The following LRRC61 variants were observed in gnomAD, a reference collection of about 807,000 sequenced individuals.
LRRC61 encodes leucine rich repeat containing 61.
A neutral mutation model predicts 15.1 loss-of-function variants in LRRC61; 9 were observed. That is an observed-to-expected ratio of 0.60 (90% CI 0.36 to 1.04). LRRC61 has a LOEUF of 1.04. LRRC61 is among the 50% of genes least tolerant of loss of function. LRRC61 has a pLI of 0.01. For missense variants in LRRC61, 344 were observed against 335.6 expected (o/e 1.03, Z -0.20); for synonymous variants, 173 against 158.6 (o/e 1.09, Z -0.68).
the LRRC61 span, among the ~76,000 whole-genome samples, chr7:150,311,427 C>T: frequency 6.6e-6 from 1 of 152,232 alleles, no homozygotes; most frequent in Non-Finnish European, 1.5e-5. Context: ...CTATGCTCCA[C>T]TTACCCTCTA....
chr7:150,329,427 C>T (rs1026555590), intron 2 of LRRC61, among the ~76,000 whole-genome samples: 8 of 152,334 alleles, frequency 5.3e-5, no homozygotes, highest in African/African-American at 1.4e-4. Flanking sequence ...TCAGTCCCAT[C>T]GCACTGGCCT....
chr7:150,329,584 G>A (rs1437488212), intron 2 of LRRC61, among the ~76,000 whole-genome samples: 1 of 152,206 alleles, frequency 6.6e-6, no homozygotes, highest in African/African-American at 2.4e-5. Context: ...TGTGAGTAAA[G>A]CCTGGCCTGC....
At position 150,337,849 on chromosome 7, in the gene LRRC61, G is replaced by A; in HGVS notation, c.*208G>A. ...CTGAAGGGCTGTGAGCAGGTGTAAG[G>A]GCTCCCACATCCGTGAGCCTGTGTC... On this transcript the variant is annotated 3_prime_UTR_variant, in exon 3 of 3. Transcript: ENST00000359623. 1.6e-6 allele frequency: 1 copy of A among 609,444 alleles called. No homozygotes were observed. Among genetic ancestry groups the A allele is most frequent in the Non-Finnish European group, 2.8e-6 (1 of 354,084 alleles). 37.8% of individuals were successfully genotyped at this position (609,444 alleles called of 1,614,324 possible). A position where few individuals can be genotyped will look rare whatever the true frequency, so the allele number is the denominator to read the frequency against.
chr7:150,316,946 G>T, the LRRC61 span, among the ~76,000 whole-genome samples: 126 of 152,200 alleles, frequency 8.3e-4, no homozygotes, highest in African/African-American at 2.7e-3. Context: ...GTTGTCTTTA[G>T]TGATGCTTAA....
Position 150,337,231 on chromosome 7 carries a change from C to T in LRRC61, c.370C>T (p.Leu124=). ...GCAGTGTCTGGCTGGGCTACCGTGC[C>T]TGGAGTACCTGCGGCTCCGAGACCC... is the stretch of plus-strand genomic sequence containing the variant. ...QLQCLAGLPC[L]EYLRLRDPLA... is the part of the protein sequence containing the mutation. The change falls in exon 3 of 3, where the codon CTG becomes TTG. Residue 124 remains leucine, a synonymous_variant. Transcript: ENST00000359623. 6.2e-7 allele frequency: 1 copy of T among 1,604,632 alleles called. No individual in the cohort carries two copies. The highest frequency in any genetic ancestry group is 8.5e-7 in the Non-Finnish European group (1 of 1,179,912).
At position 150,337,680 on chromosome 7, in the gene LRRC61, C is replaced by T. The variant is rs368650752; in HGVS notation, c.*39C>T. 31 of 1,511,600 alleles carry T rather than the reference C, an allele frequency of 2.1e-5. No homozygotes were observed. The highest frequency in any genetic ancestry group is 6.9e-5 in the East Asian group (3 of 43,786). 93.6% of individuals were successfully genotyped at this position (1,511,600 alleles called of 1,614,324 possible). On this transcript the variant is annotated 3_prime_UTR_variant, in exon 3 of 3. Transcript: ENST00000359623. ...CCCAGGACAGCCTGGCAGGTGGCCT[C>T]GCTGCCCCCAGTTCCCCTCTCTGCC... is the stretch of plus-strand genomic sequence containing the variant.
rs893392195 is a variant in LRRC61 at position 150,335,362 on chromosome 7, G to T, written c.-144-1356G>T. 6.6e-6 allele frequency among the ~76,000 whole-genome samples: 1 copy of T among 152,162 alleles called. No individual in the cohort carries two copies. The highest frequency in any genetic ancestry group is 1.9e-4 in the East Asian group (1 of 5,196). ...TTGGAAAGTATATATAAATATTTGAGGTATAAATAAAAGAGAATGAGCTGG... is the reference window on the plus strand; with the variant it reads ...TTGGAAAGTATATATAAATATTTGATGTATAAATAAAAGAGAATGAGCTGG... On this transcript the variant is annotated intron_variant, in intron 2 of 2. Coordinates refer to ENST00000359623, the MANE Select transcript of LRRC61 (RefSeq NM_001142928.2). This position sits in a 1 kb window ranked among gnomAD's most constrained non-coding sequence, Gnocchi z 4.3.
intron 1 of LRRC61, chr7:150,323,780 A>G (rs1797817346): frequency 6.7e-6 from 3 of 444,452 alleles, no homozygotes; most frequent in Non-Finnish European, 1.4e-5. Flanking sequence ...TAACACTAAC[A>G]ATCTCATGAG....
intron 2 of LRRC61, among the ~76,000 whole-genome samples, chr7:150,326,516 C>T (rs1242939350): frequency 6.6e-6 from 1 of 151,844 alleles, no homozygotes; most frequent in Non-Finnish European, 1.5e-5. Context: ...AATCCCGTCT[C>T]TACAGAAAAC....
Position 150,335,267 on chromosome 7 carries a change from T to G in LRRC61, c.-144-1451T>G, listed in dbSNP as rs2129618421. 6.6e-6 allele frequency among the ~76,000 whole-genome samples: 1 copy of G among 152,342 alleles called. No homozygotes were observed. The highest frequency in any genetic ancestry group is 1.9e-4 in the East Asian group (1 of 5,184). On this transcript the variant is annotated intron_variant, in intron 2 of 2. Coordinates refer to ENST00000359623, the MANE Select transcript of LRRC61 (RefSeq NM_001142928.2). This position sits in a 1 kb window ranked among gnomAD's most constrained non-coding sequence, Gnocchi z 4.3. ...CAAAGTTGATTGCATCACTCCCTGT[T>G]TACAAACCCCAAAAGATTCCATTCC...
chr7:150,319,855 G>A (rs892127448), upstream of LRRC61, among the ~76,000 whole-genome samples: 3 of 152,238 alleles, frequency 2.0e-5, no homozygotes, highest in Admixed American at 6.5e-5. Flanking sequence ...CTAGGGGCAG[G>A]AGCCAGTCCT....
Position 150,330,562 on chromosome 7 carries a change from C to A in LRRC61, c.-145+4552C>A. 1 of 779,896 alleles carries A rather than the reference C, an allele frequency of 1.3e-6. No individual in the cohort carries two copies. The highest frequency in any genetic ancestry group is 2.4e-6 in the Non-Finnish European group (1 of 418,902). The allele number at this position is 779,896 out of a possible 1,614,324, so 48.3% of individuals were successfully genotyped here. Reference sequence around the variant, plus strand: ...GCCATCCAGCTGGCTGAGGGGTTGGCCCGGCAGCTCTGCACCGACTGTCAG... The same window carrying A: ...GCCATCCAGCTGGCTGAGGGGTTGGACCGGCAGCTCTGCACCGACTGTCAG... On this transcript the variant is annotated intron_variant, in intron 2 of 2. Coordinates refer to ENST00000359623, the MANE Select transcript of LRRC61 (RefSeq NM_001142928.2). The surrounding 1 kb of genome is among the most constrained non-coding windows in gnomAD (Gnocchi z 4.6).
In LRRC61 at chr7:150,335,212, G is replaced by A. The variant is rs540741926; in HGVS notation, c.-144-1506G>A. 7.9e-5 allele frequency among the ~76,000 whole-genome samples: 12 copies of A among 152,226 alleles called. No homozygotes were observed. The highest frequency in any genetic ancestry group is 4.1e-4 in the South Asian group (2 of 4,820). ...CTGGTGCTCCTCCTGCACCCCCCACGTTAGGGGCCAGAGCAGCTTTAATCA... is the reference window on the plus strand; with the variant it reads ...CTGGTGCTCCTCCTGCACCCCCCACATTAGGGGCCAGAGCAGCTTTAATCA... On this transcript the variant is annotated intron_variant, in intron 2 of 2. Transcript: ENST00000359623. This position sits in a 1 kb window ranked among gnomAD's most constrained non-coding sequence, Gnocchi z 4.3.
Position 150,336,733 on chromosome 7 carries a change from G to C in LRRC61, c.-129G>C. 7.7e-7 allele frequency: 1 copy of C among 1,305,742 alleles called. No individual in the cohort carries two copies. Among genetic ancestry groups the C allele is most frequent in the Non-Finnish European group, 1.0e-6 (1 of 958,626 alleles). The allele number at this position is 1,305,742 out of a possible 1,614,324, so 80.9% of individuals were successfully genotyped here. A position where few individuals can be genotyped will look rare whatever the true frequency, so the allele number is the denominator to read the frequency against. On this transcript the variant is annotated 5_prime_UTR_variant, in exon 3 of 3. Coordinates refer to ENST00000359623, the MANE Select transcript of LRRC61 (RefSeq NM_001142928.2). ...CTCTCCTCAGGGACTGGCTGGCTTC[G>C]AGCAGGGCATCGGAACCAGGCCTCC... is the stretch of plus-strand genomic sequence containing the variant.
rs1410369292 is a variant in LRRC61 at position 150,333,393 on chromosome 7, C to G, written c.-144-3325C>G. On this transcript the variant is annotated intron_variant, in intron 2 of 2. Transcript: ENST00000359623. This position sits in a 1 kb window ranked among gnomAD's most constrained non-coding sequence, Gnocchi z 4.3. ...CAAAGGCCAGGGATGCTGCTCAGCA[C>G]CCTCCAATGTGCAGGACGGCCTCCA... Among the ~76,000 whole-genome samples the G allele has an allele frequency of 2.0e-5, 3 of 152,198 alleles. No individual in the cohort carries two copies. Among genetic ancestry groups the G allele is most frequent in the Non-Finnish European group, 4.4e-5 (3 of 68,046 alleles).
intron 2 of LRRC61, among the ~76,000 whole-genome samples, 184 bp from the exon 3 acceptor site, chr7:150,336,534 G>A (rs1798297717): frequency 6.6e-6 from 1 of 152,232 alleles, no homozygotes; most frequent in Admixed American, 6.5e-5. Flanking sequence ...CTCCCCTTGG[G>A]TTGGGCCTGC....
chr7:150,326,404 T>C (rs1403459838), intron 2 of LRRC61, among the ~76,000 whole-genome samples: 2 of 152,094 alleles, frequency 1.3e-5, no homozygotes, highest in Non-Finnish European at 2.9e-5. Context: ...TGGGGTGTGC[T>C]GGGTGCAGTG....
chr7:150,335,794 C>T lies in LRRC61; in HGVS notation c.-144-924C>T, dbSNP rs1798266836. ...AAATCTTGAGGTCCCTCCACCAGGC[C>T]ACCCCTGCTTTGTGCCACAGTCATG... is the stretch of plus-strand genomic sequence containing the variant. On this transcript the variant is annotated intron_variant, in intron 2 of 2. Transcript: ENST00000359623. The surrounding 1 kb of genome is among the most constrained non-coding windows in gnomAD (Gnocchi z 4.3). 6.6e-6 allele frequency among the ~76,000 whole-genome samples: 1 copy of T among 152,216 alleles called. No individual in the cohort carries two copies. Among genetic ancestry groups the T allele is most frequent in the Non-Finnish European group, 1.5e-5 (1 of 68,032 alleles).
rs1019162543 is a variant in LRRC61 at position 150,337,750 on chromosome 7, C to T, written c.*109C>T. On this transcript the variant is annotated 3_prime_UTR_variant, in exon 3 of 3. Transcript: ENST00000359623. The stretch of plus-strand genomic sequence containing the variant: ...CTTCACACTGGTCACTGGCCCTGCA[C>T]ACTGGGCTATTGCTTTATCCCTATC... 2 of 1,145,538 alleles carry T rather than the reference C, an allele frequency of 1.7e-6. No individual in the cohort carries two copies. Among genetic ancestry groups the T allele is most frequent in the African/African-American group, 1.6e-5 (1 of 63,850 alleles). The allele number at this position is 1,145,538 out of a possible 1,614,324, so 71.0% of individuals were successfully genotyped here.
Sources: gnomAD v4.1 joint callset for allele counts (sites outside exome capture counted in the v4.1 genomes callset) on GRCh38, gnomAD v4.1.1 for gene constraint, Gnocchi (gnomAD v3.1) non-coding constraint, MANE v1.5 for transcripts, NCBI Gene and HGNC (gene_info 2026-07-23, HGNC 2026-07-21) for gene names.